Variants in MACROD2 observed in about 807,000 individuals in gnomAD.
The protein encoded by MACROD2 is mono-ADP ribosylhydrolase 2.
In MACROD2, 36 loss-of-function variants were observed where a neutral mutation model predicts 70.4. The observed-to-expected ratio is 0.51, with a 90% CI of 0.39 to 0.68. The LOEUF (loss-of-function observed/expected upper bound fraction) is 0.68. MACROD2 is among the 30% of genes least tolerant of loss of function. The probability of loss-of-function intolerance (pLI) is 0.00; values close to 1 mark genes in which losing one functional copy is unlikely to be tolerated. For missense variants in MACROD2, 496 were observed against 538.4 expected (o/e 0.92, Z 0.78); for synonymous variants, 172 against 178.8 (o/e 0.96, Z 0.30).
intron 4 of MACROD2, among the ~76,000 whole-genome samples, chr20:14,525,687 G>C (rs2085223005): frequency 6.6e-6 from 1 of 152,252 alleles, no homozygotes. Context: ...ATTTTAGAGA[G>C]AAGCAGTGCC....
At chr20:15,659,341 G>A (rs895650330) in intron 8 of MACROD2, among the ~76,000 whole-genome samples, 3 of 82,506 alleles carry the variant, frequency 3.6e-5, no homozygotes, top group Admixed American at 1.7e-4. Flanking sequence ...TTTGTCTCTT[G>A]ATAGAATTAG....
At chr20:14,470,142 T>C (rs1308654332) in intron 3 of MACROD2, among the ~76,000 whole-genome samples, 2 of 152,158 alleles carry the variant, frequency 1.3e-5, no homozygotes, top group East Asian at 3.9e-4. Flanking sequence ...TTGATGTTCA[T>C]GCTATTCCTT....
chr20:14,112,038 G>A (rs2054457820), intron 3 of MACROD2, among the ~76,000 whole-genome samples: 1 of 151,996 alleles, frequency 6.6e-6, no homozygotes, highest in Non-Finnish European at 1.5e-5. Context: ...CCATAAAAAA[G>A]AATGAGATCC....
chr20:14,984,107 C>T (rs1007156189), intron 5 of MACROD2, among the ~76,000 whole-genome samples: 1 of 152,188 alleles, frequency 6.6e-6, no homozygotes, highest in Non-Finnish European at 1.5e-5. Flanking sequence ...AGTACAATAG[C>T]CCACTCCTCT....
At chr20:14,916,388 A>G in intron 5 of MACROD2, among the ~76,000 whole-genome samples, 1 of 152,322 alleles carries the variant, frequency 6.6e-6, no homozygotes, top group East Asian at 1.9e-4. Flanking sequence ...GGAAATTCAT[A>G]GGTTAAAAAC....
At chr20:14,437,207 C>G (rs1235303495) in intron 3 of MACROD2, among the ~76,000 whole-genome samples, 1 of 152,184 alleles carries the variant, frequency 6.6e-6, no homozygotes, top group African/African-American at 2.4e-5. Context: ...AAGCTTTCTA[C>G]TGTTTCTCCC....
At chr20:14,146,141 T>A (rs1675369292) in intron 3 of MACROD2, among the ~76,000 whole-genome samples, 1 of 152,030 alleles carries the variant, frequency 6.6e-6, no homozygotes, top group South Asian at 2.1e-4. Flanking sequence ...GCTAACACGG[T>A]GAAACCCTGT....
chr20:15,573,831 T>C (rs55865249), intron 8 of MACROD2, among the ~76,000 whole-genome samples: 3,354 of 152,240 alleles, frequency 0.022, 132 homozygotes, highest in African/African-American at 0.077. Context: ...ACTGTAATCA[T>C]GCCTTCATAA....
At chr20:14,854,230 AT>A (rs1298337126) in intron 5 of MACROD2, among the ~76,000 whole-genome samples, 2 of 152,180 alleles carry the variant, frequency 1.3e-5, no homozygotes, top group Non-Finnish European at 2.9e-5. Flanking sequence ...TCCCCTTTAC[AT>A]AAAAAGAACA....
At chr20:14,872,729 A>T (rs2073502872) in intron 5 of MACROD2, among the ~76,000 whole-genome samples, 1 of 152,104 alleles carries the variant, frequency 6.6e-6, no homozygotes, top group Non-Finnish European at 1.5e-5. Flanking sequence ...TATTTTCATC[A>T]CTAAGTGACT....
intron 6 of MACROD2, among the ~76,000 whole-genome samples, chr20:15,280,113 A>G (rs1200727129): frequency 1.3e-5 from 2 of 152,258 alleles, no homozygotes; most frequent in Non-Finnish European, 2.9e-5. Context: ...TGTTAACTAC[A>G]TCATTTAAAT....
At chr20:14,794,719 T>C (rs2072490747) in intron 5 of MACROD2, among the ~76,000 whole-genome samples, 1 of 152,140 alleles carries the variant, frequency 6.6e-6, no homozygotes, top group Non-Finnish European at 1.5e-5. Flanking sequence ...TTTAATTAGT[T>C]TAACAAATGT....
At chr20:15,065,791 G>A (rs568377313) in intron 5 of MACROD2, among the ~76,000 whole-genome samples, 10 of 151,852 alleles carry the variant, frequency 6.6e-5, no homozygotes, top group East Asian at 3.9e-4. Flanking sequence ...AATTTACTCC[G>A]TAGTTGCATT....
intron 2 of MACROD2, among the ~76,000 whole-genome samples, chr20:14,018,393 G>A (rs2053022870): frequency 6.6e-6 from 1 of 151,826 alleles, no homozygotes; most frequent in East Asian, 1.9e-4. Context: ...CTTATTTAAT[G>A]TATGCATTTA....
intron 3 of MACROD2, among the ~76,000 whole-genome samples, chr20:14,451,409 A>T (rs2122986602): frequency 6.6e-6 from 1 of 152,246 alleles, no homozygotes. Context: ...AGATCATGCC[A>T]CTGCTCTCCA....
intron 8 of MACROD2, among the ~76,000 whole-genome samples, chr20:15,615,099 G>A (rs951755712): frequency 6.6e-6 from 1 of 152,126 alleles, no homozygotes; most frequent in Non-Finnish European, 1.5e-5. Context: ...TAGCCAAGGT[G>A]AAGGCCTCGT....
chr20:15,542,062 T>C (rs553829701), intron 8 of MACROD2, among the ~76,000 whole-genome samples: 52 of 152,286 alleles, frequency 3.4e-4, no homozygotes, highest in Middle Eastern at 3.4e-3. Flanking sequence ...TGCATGCAGG[T>C]GACAGTCTTC....
rs185078876 is a variant in MACROD2, at chr20:14,761,246, C to T, written c.418+76287C>T. Reference sequence around the variant, plus strand: ...TGCTCTGGATTCTGAGAATGAGGTTCTTGGGAATAGGAAATTGCCTTACAT... The same window carrying T: ...TGCTCTGGATTCTGAGAATGAGGTTTTTGGGAATAGGAAATTGCCTTACAT... On this transcript the variant is annotated intron_variant, in intron 5 of 17. Coordinates refer to ENST00000684519, the MANE Select transcript of MACROD2 (RefSeq NM_001351661.2). Among the ~76,000 whole-genome samples, 558 of 152,196 alleles carry T rather than the reference C, an allele frequency of 3.7e-3. 6 individuals carry two copies. Among genetic ancestry groups the T allele is most frequent in the African/African-American group, 0.012 (514 of 41,496 alleles).
At chr20:14,630,220 G>A (rs538781289) in intron 4 of MACROD2, among the ~76,000 whole-genome samples, 2 of 152,274 alleles carry the variant, frequency 1.3e-5, no homozygotes, top group Admixed American at 6.5e-5. Flanking sequence ...CAATTTTGGT[G>A]TGCTGCGGAA....
Sources: gnomAD v4.1 joint callset for allele counts (sites outside exome capture counted in the v4.1 genomes callset) on GRCh38, gnomAD v4.1.1 for gene constraint, MANE v1.5 for transcripts, NCBI Gene and HGNC (gene_info 2026-07-23, HGNC 2026-07-21) for gene names.